The following TRPM8 variants were observed in gnomAD, a reference collection of about 807,000 sequenced individuals.
The protein encoded by TRPM8 is TRPM8 cationic channel.
TRPM8 carries 110 observed loss-of-function variants against 133.7 expected under a neutral mutation model. The ratio of observed to expected loss-of-function variants is 0.82; its 90% CI spans 0.70 to 0.96. TRPM8 has a LOEUF of 0.96. Ranked by LOEUF, TRPM8 falls within the 40% of genes least tolerant of loss-of-function variation. The probability of loss-of-function intolerance (pLI) is 0.00; values close to 1 mark genes in which losing one functional copy is unlikely to be tolerated. For missense variants in TRPM8, 1,291 were observed against 1,379.5 expected (o/e 0.94, Z 1.02); for synonymous variants, 535 against 532.3 (o/e 1.01, Z -0.07).
At chr2:233,957,208 G>T (rs1287796513) in intron 11 of TRPM8, among the ~76,000 whole-genome samples, 1 of 152,120 alleles carries the variant, frequency 6.6e-6, no homozygotes, top group South Asian at 2.1e-4. Context: ...ATATTTGGCT[G>T]GTCATAGAGG....
intron 22 of TRPM8, among the ~76,000 whole-genome samples, chr2:234,002,935 G>A (rs1298021487): frequency 6.6e-6 from 1 of 152,154 alleles, no homozygotes; most frequent in Non-Finnish European, 1.5e-5. Context: ...ATGTTCCATA[G>A]AGGGCTGATT....
At chr2:234,003,268 C>G (rs1350523700) in intron 22 of TRPM8, among the ~76,000 whole-genome samples, 1 of 152,204 alleles carries the variant, frequency 6.6e-6, no homozygotes, top group African/African-American at 2.4e-5. Flanking sequence ...ACTCTTTTAA[C>G]AGCATTATTT....
At position 233,945,954 on chromosome 2, in the gene TRPM8, C is replaced by T; in HGVS notation, c.798C>T (p.Gly266=). 6.2e-7 allele frequency: 1 copy of T among 1,614,124 alleles called. No homozygotes were observed. The highest frequency in any genetic ancestry group is 8.5e-7 in the Non-Finnish European group (1 of 1,179,980). Residue 266 remains glycine (G), a synonymous_variant, in exon 7 of 26, where the codon GGC becomes GGT. Coordinates refer to ENST00000324695, the MANE Select transcript of TRPM8 (RefSeq NM_024080.5). ...CACATTTGCTGCTCGTGGACAATGG[C>T]TGTCATGGACATCCCACTGTCGAAG... ...NHTHLLLVDN[G]CHGHPTVEAK... is the part of the protein sequence containing the mutation.
chr2:233,995,776 A>G (rs773113949), intron 21 of TRPM8, among the ~76,000 whole-genome samples: 1 of 152,168 alleles, frequency 6.6e-6, no homozygotes, highest in Non-Finnish European at 1.5e-5. Flanking sequence ...GCTGGTGGCC[A>G]ACAGTCATGC....
chr2:233,973,332 A>G (rs1691780021), intron 17 of TRPM8, among the ~76,000 whole-genome samples: 1 of 152,226 alleles, frequency 6.6e-6, no homozygotes, highest in South Asian at 2.1e-4. Context: ...AGCTGTCAGC[A>G]GGGCTGACTC....
At chr2:233,921,413 T>C (rs1691403696) in intron 1 of TRPM8, among the ~76,000 whole-genome samples, 1 of 152,100 alleles carries the variant, frequency 6.6e-6, no homozygotes, top group Admixed American at 6.6e-5. Context: ...TATGGATGCC[T>C]TGAAGCTTGT....
intron 17 of TRPM8, among the ~76,000 whole-genome samples, chr2:233,975,927 AACAC>A (rs934428589): frequency 1.3e-5 from 2 of 152,008 alleles, no homozygotes; most frequent in African/African-American, 2.4e-5. Context: ...ACAAACAAAA[AACAC>A]ACACACAAAA....
At chr2:233,921,540 AG>A (rs1399989899) in intron 1 of TRPM8, among the ~76,000 whole-genome samples, 1 of 152,222 alleles carries the variant, frequency 6.6e-6, no homozygotes, top group Non-Finnish European at 1.5e-5. Flanking sequence ...ATGACAGCAA[AG>A]GATGGTGATC....
At chr2:234,005,268 A>G (rs1426578971) in intron 22 of TRPM8, among the ~76,000 whole-genome samples, 1 of 152,042 alleles carries the variant, frequency 6.6e-6, no homozygotes, top group African/African-American at 2.4e-5. Context: ...TCTTGCCAAC[A>G]TGGGATATAG....
chr2:233,972,425 C>A (rs536729439), intron 17 of TRPM8, among the ~76,000 whole-genome samples: 2 of 152,378 alleles, frequency 1.3e-5, no homozygotes, highest in South Asian at 2.1e-4. Flanking sequence ...TCCCGCACCG[C>A]GGCTGCAGGT....
chr2:233,951,034 C>CAACAAACA (rs202080767), intron 9 of TRPM8, among the ~76,000 whole-genome samples: 35 of 146,292 alleles, frequency 2.4e-4, no homozygotes, highest in African/African-American at 8.5e-4. Flanking sequence ...GACCCCGTCC[C>CAACAAACA]TACAAACAAA....
At chr2:233,964,165 C>T (rs990863344) in intron 13 of TRPM8, among the ~76,000 whole-genome samples, 3 of 152,170 alleles carry the variant, frequency 2.0e-5, no homozygotes, top group Admixed American at 2.0e-4. Flanking sequence ...TATTCTCTAA[C>T]CCGTCCCATA....
chr2:233,977,090 T>G (rs1691890218), intron 17 of TRPM8, among the ~76,000 whole-genome samples: 1 of 152,192 alleles, frequency 6.6e-6, no homozygotes, highest in Non-Finnish European at 1.5e-5. Context: ...TGTGTACCTG[T>G]GTCCCTTTGC....
chr2:234,015,322 A>G (rs954181800), intron 25 of TRPM8, among the ~76,000 whole-genome samples: 2 of 152,146 alleles, frequency 1.3e-5, no homozygotes, highest in African/African-American at 2.4e-5. Context: ...TCGAGTTAGG[A>G]AAAAAACAGC....
chr2:233,949,647 T>C (rs1691126910), intron 8 of TRPM8, among the ~76,000 whole-genome samples: 1 of 152,216 alleles, frequency 6.6e-6, no homozygotes, highest in South Asian at 2.1e-4. Context: ...GTACTTGGAA[T>C]GATCAATTTT....
At chr2:233,984,412 A>G (rs887678956) in intron 20 of TRPM8, among the ~76,000 whole-genome samples, 1 of 152,132 alleles carries the variant, frequency 6.6e-6, no homozygotes, top group African/African-American at 2.4e-5. Flanking sequence ...CCAGACCCAA[A>G]CTTCCCCCGA....
chr2:233,990,166 A>C (rs1398841462), intron 21 of TRPM8, among the ~76,000 whole-genome samples: 4 of 152,248 alleles, frequency 2.6e-5, no homozygotes, highest in Non-Finnish European at 5.9e-5. Context: ...TATTTATTGA[A>C]GCTTTCCCAT....
Position 233,996,360 on chromosome 2 carries a change from C to A in TRPM8, c.2974C>A (p.Gln992Lys), listed in dbSNP as rs143128851. 1 of 1,614,176 alleles carries A rather than the reference C, an allele frequency of 6.2e-7. No individual in the cohort carries two copies. The change falls in exon 22 of 26, where the codon CAG (glutamine) becomes AAG (lysine). Residue 992 changes from glutamine to lysine, a missense_variant. Coordinates refer to ENST00000324695, the MANE Select transcript of TRPM8 (RefSeq NM_024080.5). Reference protein sequence around the residue: ...TVGTVQENNDQVWKFQRYFLV... With the variant: ...TVGTVQENNDKVWKFQRYFLV... ...GGGCACCGTCCAGGAGAACAATGAC[C>A]AGGTCTGGAAGTTCCAGAGGTACTT...
intron 17 of TRPM8, among the ~76,000 whole-genome samples, chr2:233,974,868 G>A (rs201942647): frequency 6.6e-6 from 1 of 151,250 alleles, no homozygotes; most frequent in Non-Finnish European, 1.5e-5. Context: ...GCACAAATTA[G>A]CAGAGAGAGA....
Sources: gnomAD v4.1 joint callset for allele counts (sites outside exome capture counted in the v4.1 genomes callset) on GRCh38, gnomAD v4.1.1 for gene constraint, MANE v1.5 for transcripts, NCBI Gene and HGNC (gene_info 2026-07-23, HGNC 2026-07-21) for gene names.